GDF6: variants seen among roughly 807,000 people sequenced by gnomAD.
GDF6 encodes growth differentiation factor 6.
In GDF6, 3 loss-of-function variants were observed where a neutral mutation model predicts 32.4. The observed-to-expected ratio is 0.09, with a 90% CI of 0.04 to 0.24. GDF6 has a LOEUF of 0.24. Among genes scored for constraint, GDF6 ranks in the 10% least tolerant of loss-of-function variants. GDF6 has a pLI of 1.00. For synonymous variants in GDF6, 296 were observed against 295.3 expected, an observed-to-expected ratio of 1.00 and a Z score of -0.03; for missense variants, 589 against 637.9, an observed-to-expected ratio of 0.92 and a Z score of 0.83.
In GDF6 at chr8:96,144,549, C is replaced by T. The variant is rs1006798221; in HGVS notation, c.*14G>A. On this transcript the variant is annotated 3_prime_UTR_variant, in exon 2 of 2. Coordinates refer to ENST00000287020, the MANE Select transcript of GDF6 (RefSeq NM_001001557.4). This position sits in a 1 kb window ranked among gnomAD's most constrained non-coding sequence, Gnocchi z 5.1. ...CCACCTTGGTTCCGGGCCAAGGCGG[C>T]GGGAAAGGCACCGCTACCTGCAGCC... 1 of 1,612,796 alleles carries T rather than the reference C, an allele frequency of 6.2e-7. No individual in the cohort carries two copies.
In GDF6 at chr8:96,143,740, A is replaced by C. The variant is rs984235767; in HGVS notation, c.*823T>G. ...TCCTTCAAGGGGTTCCATTTGGACT[A>C]ATTCTTGTCATTCCATCCATACCAG... is the stretch of plus-strand genomic sequence containing the variant. On this transcript the variant is annotated 3_prime_UTR_variant, in exon 2 of 2. Coordinates refer to ENST00000287020, the MANE Select transcript of GDF6 (RefSeq NM_001001557.4). The C allele has an allele frequency of 6.5e-6, 1 of 152,762 alleles. No individual in the cohort carries two copies. The highest frequency in any genetic ancestry group is 2.4e-5 in the African/African-American group (1 of 41,450). 9.5% of individuals were successfully genotyped at this position (152,762 alleles called of 1,614,324 possible). A position where few individuals can be genotyped will look rare whatever the true frequency, so the allele number is the denominator to read the frequency against.
intron 1 of GDF6, among the ~76,000 whole-genome samples, chr8:96,157,392 C>T (rs918701804): frequency 2.0e-5 from 3 of 152,180 alleles, no homozygotes; most frequent in Admixed American, 2.0e-4. Flanking sequence ...TTTGGGGTTT[C>T]CGGGGTAAGG....
In GDF6 at chr8:96,145,065, A is replaced by G. The variant is rs63751220; in HGVS notation, c.866T>C (p.Leu289Pro). ...VVFTRSQRKN[L>P]FAEMREQLGS... is the part of the protein sequence containing the mutation. ...CAGCTGCTCGCGCATCTCTGCGAAC[A>G]GGTTCTTGCGCTGGGATCTGGTGAA... The change falls in exon 2 of 2, where the codon CTG becomes CCG. Residue 289 changes from leucine (L) to proline (P), a missense_variant. Transcript: ENST00000287020. The surrounding 1 kb of genome is among the most constrained non-coding windows in gnomAD (Gnocchi z 5.6). 206 of 1,502,488 alleles carry G rather than the reference A, an allele frequency of 1.4e-4. 1 individual carries two copies. In the African/African-American group the frequency reaches 2.8e-3, roughly 20 times the overall value. The allele number at this position is 1,502,488 out of a possible 1,614,324, so 93.1% of individuals were successfully genotyped here. A position where few individuals can be genotyped will look rare whatever the true frequency, so the allele number is the denominator to read the frequency against.
Position 96,143,987 on chromosome 8 carries a change from TC to T in GDF6, c.*575del, listed in dbSNP as rs1448470835. ...GACTTAACTATTCTTTTTGCCAATT[TC>T]CCTATCTAACACTTTCTGTGTGGGA... On this transcript the variant is annotated 3_prime_UTR_variant, in exon 2 of 2. Transcript: ENST00000287020. 6.2e-6 allele frequency: 1 copy of T among 160,178 alleles called. No individual in the cohort carries two copies. Among genetic ancestry groups the T allele is most frequent in the Non-Finnish European group, 1.4e-5 (1 of 72,210 alleles). 9.9% of individuals were successfully genotyped at this position (160,178 alleles called of 1,614,324 possible). A position where few individuals can be genotyped will look rare whatever the true frequency, so the allele number is the denominator to read the frequency against.
At chr8:96,150,345 G>A (rs1199034176) in intron 1 of GDF6, among the ~76,000 whole-genome samples, 1 of 152,224 alleles carries the variant, frequency 6.6e-6, no homozygotes, top group African/African-American at 2.4e-5. Flanking sequence ...CCAGAAAGTC[G>A]AGAAGATAGT....
At position 96,145,499 on chromosome 8, in the gene GDF6, C is replaced by T; in HGVS notation, c.432G>A (p.Arg144=). The T allele has an allele frequency of 6.3e-7, 1 of 1,597,930 alleles. No homozygotes were observed. The highest frequency in any genetic ancestry group is 8.5e-7 in the Non-Finnish European group (1 of 1,179,614). Residue 144 remains arginine (R), a synonymous_variant, in exon 2 of 2, where the codon CGG becomes CGA. Coordinates refer to ENST00000287020, the MANE Select transcript of GDF6 (RefSeq NM_001001557.4). This position sits in a 1 kb window ranked among gnomAD's most constrained non-coding sequence, Gnocchi z 5.6. ...ACACATCAAACAAATACTTCTGTCT[C>T]CGGAGAGGAGTGTGCGAGAGATCGT... ...GLDDLSHTPL[R]RQKYLFDVSM...
intron 1 of GDF6, among the ~76,000 whole-genome samples, chr8:96,154,960 G>C (rs2130227617): frequency 6.6e-6 from 1 of 152,272 alleles, no homozygotes; most frequent in South Asian, 2.1e-4. Flanking sequence ...GCGGGTCCAG[G>C]TGACACGCAT....
At chr8:96,149,473 G>C (rs1051667053) in intron 1 of GDF6, among the ~76,000 whole-genome samples, 3 of 152,140 alleles carry the variant, frequency 2.0e-5, no homozygotes, top group African/African-American at 7.2e-5. Context: ...AAAATAAGAA[G>C]GAAGGAACAA....
At chr8:96,157,124 C>T (rs752097286) in intron 1 of GDF6, among the ~76,000 whole-genome samples, 1 of 152,160 alleles carries the variant, frequency 6.6e-6, no homozygotes, top group South Asian at 2.1e-4. Flanking sequence ...GCTTGGTACA[C>T]AGTAAATTTT....
rs1812465603 is a variant in GDF6 at position 96,145,596 on chromosome 8, C to T, written c.407-72G>A. The T allele has an allele frequency of 5.7e-6, 9 of 1,585,844 alleles. No homozygotes were observed. The highest frequency in any genetic ancestry group is 7.7e-6 in the Non-Finnish European group (9 of 1,171,944). On this transcript the variant is annotated intron_variant, in intron 1 of 1. Coordinates refer to ENST00000287020, the MANE Select transcript of GDF6 (RefSeq NM_001001557.4). This position sits in a 1 kb window ranked among gnomAD's most constrained non-coding sequence, Gnocchi z 5.6. ...TCAGCCCGGTGCTCTTCGGCCGCCC[C>T]GGGAGGAAAAGGGCGGGGAGTGGGG...
chr8:96,148,595 T>C (rs900585922), intron 1 of GDF6, among the ~76,000 whole-genome samples: 1 of 152,204 alleles, frequency 6.6e-6, no homozygotes, highest in African/African-American at 2.4e-5. Flanking sequence ...ATTCTGCTGG[T>C]CCAAGAAATT....
chr8:96,144,291 A>AGAGAGAGGG lies in GDF6; in HGVS notation c.*271_*272insCCCTCTCTC, dbSNP rs1554571161. Reference sequence around the variant, plus strand: ...GAGAGAGAGAGAGAGAGAGAGAGAGAAAACAGAACAAAAGAAATCCTCCTT... The same window carrying AGAGAGAGGG: ...GAGAGAGAGAGAGAGAGAGAGAGAGAGAGAGAGGGAAACAGAACAAAAGAAATCCTCCTT... On this transcript the variant is annotated 3_prime_UTR_variant, in exon 2 of 2. Coordinates refer to ENST00000287020, the MANE Select transcript of GDF6 (RefSeq NM_001001557.4). This position sits in a 1 kb window ranked among gnomAD's most constrained non-coding sequence, Gnocchi z 5.1. 4.1e-6 allele frequency: 2 copies of AGAGAGAGGG among 485,046 alleles called. No individual in the cohort carries two copies. The highest frequency in any genetic ancestry group is 2.4e-5 in the African/African-American group (1 of 41,078). The allele number at this position is 485,046 out of a possible 1,614,324, so 30.0% of individuals were successfully genotyped here.
Position 96,145,312 on chromosome 8 carries a change from C to A in GDF6, c.619G>T (p.Ala207Ser). ...LDARTLDPQG[A>S]PPAGWEVFDV... ...AAGACTTCCCAGCCGGCCGGCGGCG[C>A]CCCCTGCGGGTCCAGGGTCCGCGCG... The change falls in exon 2 of 2, where the codon GCG (alanine) becomes TCG (serine). Residue 207 changes from alanine to serine, a missense_variant. By Grantham distance (99) the Ala-to-Ser change is moderately conservative. Transcript: ENST00000287020. This position sits in a 1 kb window ranked among gnomAD's most constrained non-coding sequence, Gnocchi z 5.6. 2 of 1,532,372 alleles carry A rather than the reference C, an allele frequency of 1.3e-6. No homozygotes were observed. The highest frequency in any genetic ancestry group is 1.7e-6 in the Non-Finnish European group (2 of 1,145,658). 94.9% of individuals were successfully genotyped at this position (1,532,372 alleles called of 1,614,324 possible). A position where few individuals can be genotyped will look rare whatever the true frequency, so the allele number is the denominator to read the frequency against.
chr8:96,145,395 G>T lies in GDF6; in HGVS notation c.536C>A (p.Pro179Gln), dbSNP rs1444302456. Residue 179 changes from proline (P) to glutamine (Q), a missense_variant, in exon 2 of 2, where the codon CCA becomes CAA. Pro to Gln is a moderately conservative substitution (Grantham distance 76). Coordinates refer to ENST00000287020, the MANE Select transcript of GDF6 (RefSeq NM_001001557.4). This position sits in a 1 kb window ranked among gnomAD's most constrained non-coding sequence, Gnocchi z 5.6. ...CTGCACGTGGAGCGGCCCGGCTGGT[G>T]GCCCCCAGGGCGCTGAGGGCGCCTG... ...FRQAPSAPWGPPAGPLHVQLF... is the reference protein window; with the variant it reads ...FRQAPSAPWGQPAGPLHVQLF... 8 of 1,578,882 alleles carry T rather than the reference G, an allele frequency of 5.1e-6. No homozygotes were observed. The highest frequency in any genetic ancestry group is 3.5e-5 in the Admixed American group (2 of 56,642).
Position 96,160,772 on chromosome 8 carries a change from G to T in GDF6, c.-80C>A. 7.0e-7 allele frequency: 1 copy of T among 1,437,518 alleles called. No homozygotes were observed. Among genetic ancestry groups the T allele is most frequent in the Non-Finnish European group, 9.6e-7 (1 of 1,046,086 alleles). 89.0% of individuals were successfully genotyped at this position (1,437,518 alleles called of 1,614,324 possible). A position where few individuals can be genotyped will look rare whatever the true frequency, so the allele number is the denominator to read the frequency against. On this transcript the variant is annotated 5_prime_UTR_variant, in exon 1 of 2. Transcript: ENST00000287020. ...CGGGGCACGGAGCGGCTGGACAGCG[G>T]CCGGGGCCCGGCTCCTCGGGCGGAC... is the stretch of plus-strand genomic sequence containing the variant.
chr8:96,155,965 C>T (rs1249283097), intron 1 of GDF6, among the ~76,000 whole-genome samples: 1 of 152,168 alleles, frequency 6.6e-6, no homozygotes, highest in Admixed American at 6.5e-5. Context: ...GGGGACTATG[C>T]AACTCTCTGA....
At position 96,159,158 on chromosome 8, in the gene GDF6, A is replaced by G. The variant is rs540305590; in HGVS notation, c.406+1129T>C. On this transcript the variant is annotated intron_variant, in intron 1 of 1. Coordinates refer to ENST00000287020, the MANE Select transcript of GDF6 (RefSeq NM_001001557.4). ...CAAAGTCATGGAGCTAAGTCTAGGG[A>G]GGATGGAGGAGTGGATATCTGCCTA... is the stretch of plus-strand genomic sequence containing the variant. Among the ~76,000 whole-genome samples the G allele has an allele frequency of 3.9e-5, 6 of 152,294 alleles. No homozygotes were observed. In the East Asian group the frequency reaches 1.2e-3, roughly 29 times the overall value.
At chr8:96,152,460 C>T (rs1812584783) in intron 1 of GDF6, among the ~76,000 whole-genome samples, 1 of 152,182 alleles carries the variant, frequency 6.6e-6, no homozygotes, top group African/African-American at 2.4e-5. Context: ...ACTTTGGTGT[C>T]CTTTTGTGGG....
At chr8:96,146,707 C>CACACACACAGAGAGAGAGAG (rs367654279) in intron 1 of GDF6, among the ~76,000 whole-genome samples, 12 of 139,920 alleles carry the variant, frequency 8.6e-5, no homozygotes, top group African/African-American at 3.4e-4. Context: ...CACACACACA[C>CACACACACAGAGAGAGAGAG]AGAGAGAGAG....
Sources: allele counts gnomAD v4.1 joint callset (sites outside exome capture counted in the v4.1 genomes callset), GRCh38; gene constraint gnomAD v4.1.1; non-coding constraint Gnocchi (gnomAD v3.1); transcripts MANE v1.5; gene names NCBI Gene and HGNC (gene_info 2026-07-23, HGNC 2026-07-21).